NBEAL2: variants seen among roughly 807,000 people sequenced by gnomAD.
The protein encoded by NBEAL2 is neurobeachin-like protein 2.
A neutral mutation model predicts 299.8 loss-of-function variants in NBEAL2; 160 were observed. The observed-to-expected ratio is 0.53, with a 90% CI of 0.47 to 0.61. The LOEUF (loss-of-function observed/expected upper bound fraction) is 0.61, where lower values mean the gene tolerates loss of function less well. Ranked by LOEUF, NBEAL2 falls within the 20% of genes least tolerant of loss-of-function variation. The pLI is 0.00. For synonymous variants in NBEAL2, 1,493 were observed against 1,542.3 expected (o/e 0.97, Z 0.75); for missense variants, 3,112 against 3,649.0 (o/e 0.85, Z 3.79).
Position 46,991,586 on chromosome 3 carries a change from G to A in NBEAL2, c.823G>A (p.Ala275Thr), listed in dbSNP as rs1188006045. Residue 275 changes from alanine (A) to threonine (T), a missense_variant, in exon 8 of 54, where the codon GCC becomes ACC. Physicochemically the swap from Ala to Thr is moderately conservative, Grantham distance 58. Coordinates refer to ENST00000450053, the MANE Select transcript of NBEAL2 (RefSeq NM_015175.3). This position sits in a 1 kb window ranked among gnomAD's most constrained non-coding sequence, Gnocchi z 6.2. ...RAPPRGPELR[A>T]LLESYFHVLN... ...ACCTCCTCGTGGCCCAGAGCTTCGT[G>A]CCCTGCTTGAGAGCTACTTCCATGT... 1 of 1,601,784 alleles carries A rather than the reference G, an allele frequency of 6.2e-7. No homozygotes were observed. Among genetic ancestry groups the A allele is most frequent in the Non-Finnish European group, 8.5e-7 (1 of 1,179,822 alleles).
chr3:46,994,097 C>A, intron 11 of NBEAL2, 77 bp downstream of exon 11: 1 of 1,424,500 alleles, frequency 7.0e-7, no homozygotes, highest in Non-Finnish European at 9.7e-7. Context: ...ACAGGCCTGG[C>A]CGGTGGCCAT....
intron 10 of NBEAL2, 125 bp downstream of exon 10, chr3:46,992,680 G>A: frequency 1.1e-6 from 1 of 892,288 alleles, no homozygotes; most frequent in Non-Finnish European, 1.8e-6. Flanking sequence ...AATGGGTGTG[G>A]GTCCTCCATG....
rs201085621 is a variant in NBEAL2, at chr3:47,003,968, C to T, written c.5873C>T (p.Thr1958Ile). 1 of 1,613,138 alleles carries T rather than the reference C, an allele frequency of 6.2e-7. No individual in the cohort carries two copies. Among genetic ancestry groups the T allele is most frequent in the Non-Finnish European group, 8.5e-7 (1 of 1,179,358 alleles). ...FYDGSTERVETEEGIGYDFRR... is the reference protein window; with the variant it reads ...FYDGSTERVEIEEGIGYDFRR... ...GATGGCAGCACTGAGCGCGTGGAAA[C>T]CGAGGAGGGTGCGTCCTGGTGGTGT... The change falls in exon 36 of 54, where the codon ACC (threonine) becomes ATC (isoleucine). Residue 1958 changes from threonine (T) to isoleucine (I), a missense_variant. This residue lies in a region of NBEAL2 where 521 missense variants were observed against 729.6 expected (regional missense o/e 0.71). Transcript: ENST00000450053. This position sits in a 1 kb window ranked among gnomAD's most constrained non-coding sequence, Gnocchi z 7.0.
At position 46,995,461 on chromosome 3, in the gene NBEAL2, C is replaced by G; in HGVS notation, c.1726C>G (p.Arg576Gly). The G allele has an allele frequency of 6.2e-7, 1 of 1,612,880 alleles. No individual in the cohort carries two copies. Among genetic ancestry groups the G allele is most frequent in the Non-Finnish European group, 8.5e-7 (1 of 1,179,896 alleles). ...CATGGCCAGGCACCAGGGTCCTGCACGTGCTCTGCGCTACTTTGACCTCAC... is the reference window on the plus strand; with the variant it reads ...CATGGCCAGGCACCAGGGTCCTGCAGGTGCTCTGCGCTACTTTGACCTCAC... Reference protein sequence around the residue: ...SGMARHQGPARALRYFDLTPS... With the variant: ...SGMARHQGPAGALRYFDLTPS... The change falls in exon 13 of 54, where the codon CGT becomes GGT. Residue 576 changes from arginine (R) to glycine (G), a missense_variant. Physicochemically the swap from Arg to Gly is moderately radical, Grantham distance 125 (BLOSUM62 -2). This residue lies in a region of NBEAL2 where 2,243 missense variants were observed against 2,538.1 expected (regional missense o/e 0.88). Transcript: ENST00000450053.
At chr3:47,007,466 A>G in intron 47 of NBEAL2, 59 bp from the exon 48 acceptor site, 1 of 1,570,954 alleles carries the variant, frequency 6.4e-7, no homozygotes, top group South Asian at 1.2e-5. Flanking sequence ...AGGCTCCCTG[A>G]GGGCCTGGGT....
At position 46,982,031 on chromosome 3, in the gene NBEAL2, A is replaced by G. The variant is rs2035384598; in HGVS notation, c.51+2119A>G. The G allele has an allele frequency of 6.6e-6, 1 of 152,256 alleles. No individual in the cohort carries two copies. Among genetic ancestry groups the G allele is most frequent in the African/African-American group, 2.4e-5 (1 of 41,426 alleles). The allele number at this position is 152,256 out of a possible 1,614,324, so 9.4% of individuals were successfully genotyped here. A position where few individuals can be genotyped will look rare whatever the true frequency, so the allele number is the denominator to read the frequency against. Reference sequence around the variant, plus strand: ...GGCCAGGCAAACAAATCCAGGATGTAACAGCAAACCCCCAAGCCAGGCGGG... The same window carrying G: ...GGCCAGGCAAACAAATCCAGGATGTGACAGCAAACCCCCAAGCCAGGCGGG... On this transcript the variant is annotated intron_variant, in intron 1 of 53. Transcript: ENST00000450053. The surrounding 1 kb of genome is among the most constrained non-coding windows in gnomAD (Gnocchi z 4.2).
rs755510723 is a variant in NBEAL2 at position 47,008,243 on chromosome 3, C to A, written c.7720-40C>A. The A allele has an allele frequency of 3.7e-6, 6 of 1,612,916 alleles. No homozygotes were observed. In the Admixed American group the frequency reaches 6.7e-5, roughly 18 times the overall value. ...AGTTTCCTGGGCAATCCCCCTGGAG[C>A]CCAGACTCCTGCCCAGGACCCTAAG... On this transcript the variant is annotated intron_variant, in intron 50 of 53. Coordinates refer to ENST00000450053, the MANE Select transcript of NBEAL2 (RefSeq NM_015175.3).
rs546374245 is a variant in NBEAL2, at chr3:47,000,032, C to A, written c.3933C>A (p.Thr1311=). Reference sequence around the variant, plus strand: ...CTCCGTCTTCCCCAGAGTCACCTACCTCCCCCAAGCCAGCCCCACCCAAGC... The same window carrying A: ...CTCCGTCTTCCCCAGAGTCACCTACATCCCCCAAGCCAGCCCCACCCAAGC... ...SPPPSSPESP[T]SPKPAPPKPP... is the part of the protein sequence containing the mutation. The change falls in exon 27 of 54, where the codon ACC becomes ACA. Residue 1311 remains threonine (T), a synonymous_variant. Transcript: ENST00000450053. This position sits in a 1 kb window ranked among gnomAD's most constrained non-coding sequence, Gnocchi z 4.5. 4.3e-6 allele frequency: 7 copies of A among 1,613,114 alleles called. No homozygotes were observed. In the South Asian group the frequency reaches 6.6e-5, roughly 15 times the overall value.
In NBEAL2 at chr3:46,989,810, G is replaced by A. The variant is rs1308528258; in HGVS notation, c.556+217G>A. 6.6e-6 allele frequency among the ~76,000 whole-genome samples: 1 copy of A among 152,110 alleles called. No homozygotes were observed. The highest frequency in any genetic ancestry group is 1.5e-5 in the Non-Finnish European group (1 of 68,000). On this transcript the variant is annotated intron_variant, in intron 6 of 53. Transcript: ENST00000450053. The surrounding 1 kb of genome is among the most constrained non-coding windows in gnomAD (Gnocchi z 5.5). ...TCAGGTGGAGGGGTGGGGTCAACCT[G>A]CCTACCCAGATTTCTCATCCTCTTT...
rs772554652 is a variant in NBEAL2 at position 46,982,523 on chromosome 3, G to A, written c.51+2611G>A. Among the ~76,000 whole-genome samples the A allele has an allele frequency of 1.6e-4, 24 of 152,182 alleles. No homozygotes were observed. Among genetic ancestry groups the A allele is most frequent in the Non-Finnish European group, 2.5e-4 (17 of 68,034 alleles). Reference sequence around the variant, plus strand: ...GGTGGCTGCTGAGGGAAGAGGGAAGGGTCAGAGCATCCCAGGACTTCACTC... The same window carrying A: ...GGTGGCTGCTGAGGGAAGAGGGAAGAGTCAGAGCATCCCAGGACTTCACTC... On this transcript the variant is annotated intron_variant, in intron 1 of 53. Coordinates refer to ENST00000450053, the MANE Select transcript of NBEAL2 (RefSeq NM_015175.3). This position sits in a 1 kb window ranked among gnomAD's most constrained non-coding sequence, Gnocchi z 4.2.
rs531512949 is a variant in NBEAL2 at position 46,982,913 on chromosome 3, A to G, written c.51+3001A>G. On this transcript the variant is annotated intron_variant, in intron 1 of 53. Coordinates refer to ENST00000450053, the MANE Select transcript of NBEAL2 (RefSeq NM_015175.3). The surrounding 1 kb of genome is among the most constrained non-coding windows in gnomAD (Gnocchi z 4.2). ...AGGAGAGTCTTGGGGGACTGGGGAC[A>G]GCACCTGACAGGCTGGCGGTTGGGC... 1.3e-5 allele frequency among the ~76,000 whole-genome samples: 2 copies of G among 152,310 alleles called. No individual in the cohort carries two copies. The highest frequency in any genetic ancestry group is 3.9e-4 in the East Asian group (2 of 5,176).
Position 46,979,796 on chromosome 3 carries a change from A to G in NBEAL2, c.-66A>G, listed in dbSNP as rs1280481204. The G allele has an allele frequency of 7.8e-6, 3 of 382,804 alleles. No individual in the cohort carries two copies. The highest frequency in any genetic ancestry group is 9.2e-6 in the Non-Finnish European group (2 of 217,590). The allele number at this position is 382,804 out of a possible 1,614,324, so 23.7% of individuals were successfully genotyped here. On this transcript the variant is annotated 5_prime_UTR_variant, in exon 1 of 54. Transcript: ENST00000450053. ...CCGCCCATGGGCCTGGCCGAGGGCA[A>G]CCGGCGGGCGGCGCGGAGGAGGCGG...
rs1559622108 is a variant in NBEAL2 at position 47,007,301 on chromosome 3, A to G, written c.7285A>G (p.Ile2429Val). 3 of 1,612,382 alleles carry G rather than the reference A, an allele frequency of 1.9e-6. No individual in the cohort carries two copies. The highest frequency in any genetic ancestry group is 2.5e-6 in the Non-Finnish European group (3 of 1,179,272). ...CAGCTGGTTGCCCTATGACCGCAAC[A>G]TAAGCAACTACTTCAGCTTCAGCAA... ...THSWLPYDRNISNYFSFSKDP... is the reference protein window; with the variant it reads ...THSWLPYDRNVSNYFSFSKDP... The change falls in exon 47 of 54, where the codon ATA becomes GTA. Residue 2429 changes from isoleucine (I) to valine (V), a missense_variant. This residue lies in a region of NBEAL2 where 521 missense variants were observed against 729.6 expected (regional missense o/e 0.71). Transcript: ENST00000450053.
rs779806471 is a variant in NBEAL2 at position 47,001,983 on chromosome 3, G to A, written c.4846G>A (p.Glu1616Lys). 73 of 1,606,968 alleles carry A rather than the reference G, an allele frequency of 4.5e-5. No homozygotes were observed. The highest frequency in any genetic ancestry group is 1.3e-4 in the African/African-American group (10 of 74,836). Residue 1616 changes from glutamate to lysine, a missense_variant, in exon 31 of 54, where the codon GAG becomes AAG. Coordinates refer to ENST00000450053, the MANE Select transcript of NBEAL2 (RefSeq NM_015175.3). The surrounding 1 kb of genome is among the most constrained non-coding windows in gnomAD (Gnocchi z 6.1). ...LLQTAVPARR[E>K]EACYVLSKLE... ...ACAGACTGCAGTGCCAGCCCGCCGC[G>A]AGGAGGCCTGCTATGTGCTCTCCAA...
rs1327396017 is a variant in NBEAL2 at position 46,980,552 on chromosome 3, AG to A, written c.51+641del. ...GACCCAGGACCTCTCTAGGAGCAGAAGAAAAGGTTTTCCTCTGGATGCCCAG... is the reference window on the plus strand; with the variant it reads ...GACCCAGGACCTCTCTAGGAGCAGAAAAAAGGTTTTCCTCTGGATGCCCAG... On this transcript the variant is annotated intron_variant, in intron 1 of 53. Transcript: ENST00000450053. Among the ~76,000 whole-genome samples the A allele has an allele frequency of 8.5e-5, 13 of 152,258 alleles. No homozygotes were observed. The East Asian group carries it at 2.5e-3, about 29-fold the overall frequency.
Position 47,000,432 on chromosome 3 carries a change from C to T in NBEAL2, c.4305+28C>T, listed in dbSNP as rs1299645482. 5.2e-6 allele frequency: 8 copies of T among 1,552,814 alleles called. No homozygotes were observed. The African/African-American group carries it at 6.8e-5, about 13-fold the overall frequency. ...GAGGTGGGCCCACCCTCTGCCACTGCATGGTACCCAAGGGAGGACACTTCT... is the reference window on the plus strand; with the variant it reads ...GAGGTGGGCCCACCCTCTGCCACTGTATGGTACCCAAGGGAGGACACTTCT... On this transcript the variant is annotated intron_variant, in intron 27 of 53. Transcript: ENST00000450053. This position sits in a 1 kb window ranked among gnomAD's most constrained non-coding sequence, Gnocchi z 4.5.
In NBEAL2 at chr3:46,989,054, T is replaced by C. The variant is rs1359098100; in HGVS notation, c.270-31T>C. 5.6e-6 allele frequency: 9 copies of C among 1,612,244 alleles called. No individual in the cohort carries two copies. Among genetic ancestry groups the C allele is most frequent in the South Asian group, 4.4e-5 (4 of 90,842 alleles). The stretch of plus-strand genomic sequence containing the variant: ...GGACAAGGAGGGGCATGGTGTATTA[T>C]TGTGACCTCTCTCATCATTGACTCC... On this transcript the variant is annotated intron_variant, in intron 3 of 53. Coordinates refer to ENST00000450053, the MANE Select transcript of NBEAL2 (RefSeq NM_015175.3). The surrounding 1 kb of genome is among the most constrained non-coding windows in gnomAD (Gnocchi z 5.5).
chr3:47,004,329 C>G lies in NBEAL2; in HGVS notation c.6134C>G (p.Pro2045Arg), dbSNP rs543158101. ...TCGTGGCTCCTGCGCCTACGGCCCC[C>G]CTCTCAAGGCTACCTAAGCAGCCGC... ...VYSWLLRLRP[P>R]SQGYLSSRSP... Residue 2045 changes from proline (P) to arginine (R), a missense_variant, in exon 37 of 54, where the codon CCC becomes CGC. By Grantham distance (103) the Pro-to-Arg change is moderately radical. This residue lies in a region of NBEAL2 where 521 missense variants were observed against 729.6 expected (regional missense o/e 0.71). Coordinates refer to ENST00000450053, the MANE Select transcript of NBEAL2 (RefSeq NM_015175.3). This position sits in a 1 kb window ranked among gnomAD's most constrained non-coding sequence, Gnocchi z 5.0. The G allele has an allele frequency of 6.2e-7, 1 of 1,610,120 alleles. No homozygotes were observed. The highest frequency in any genetic ancestry group is 2.2e-5 in the East Asian group (1 of 44,810).
chr3:46,995,284 C>T lies in NBEAL2; in HGVS notation c.1549C>T (p.Leu517=). The change falls in exon 13 of 54, where the codon CTG becomes TTG. Residue 517 remains leucine, a synonymous_variant. Transcript: ENST00000450053. ...GGAGGCCCGCTGCCAAGAGCAGCTGCTGGCACTGCTACAAGCACTGGGCCG... is the reference window on the plus strand; with the variant it reads ...GGAGGCCCGCTGCCAAGAGCAGCTGTTGGCACTGCTACAAGCACTGGGCCG... ...ALEARCQEQL[L]ALLQALGRVS... is the part of the protein sequence containing the mutation. 1 of 1,567,816 alleles carries T rather than the reference C, an allele frequency of 6.4e-7. No homozygotes were observed. Among genetic ancestry groups the T allele is most frequent in the Non-Finnish European group, 8.6e-7 (1 of 1,157,018 alleles).
Sources: allele counts gnomAD v4.1 joint callset (sites outside exome capture counted in the v4.1 genomes callset), GRCh38; gene constraint gnomAD v4.1.1; regional missense constraint gnomAD v4.1.1; non-coding constraint Gnocchi (gnomAD v3.1); transcripts MANE v1.5; gene names NCBI Gene and HGNC (gene_info 2026-07-23, HGNC 2026-07-21).